Variants in GNPNAT1 observed in about 807,000 individuals in gnomAD.
GNPNAT1 encodes glucosamine 6-phosphate N-acetyltransferase.
A neutral mutation model predicts 19.8 loss-of-function variants in GNPNAT1; 11 were observed. That is an observed-to-expected ratio of 0.56 (90% CI 0.35 to 0.92). The LOEUF (loss-of-function observed/expected upper bound fraction) is 0.92. Among genes scored for constraint, GNPNAT1 ranks in the 40% least tolerant of loss-of-function variants. The pLI, the probability that GNPNAT1 is intolerant of heterozygous loss-of-function variation, is 0.01. For synonymous variants in GNPNAT1, 71 were observed against 72.3 expected, an observed-to-expected ratio of 0.98 and a Z score of 0.09; for missense variants, 157 against 211.0, an observed-to-expected ratio of 0.74 and a Z score of 1.59.
Position 52,780,277 on chromosome 14 carries a change from G to C in GNPNAT1, c.407+402C>G, listed in dbSNP as rs112535458. ...ATTTTAAATGATTTAGATATATACA[G>C]TGAAGGCTGTTTCAGTATGTATTTC... On this transcript the variant is annotated intron_variant, in intron 5 of 5. Coordinates refer to ENST00000216410, the MANE Select transcript of GNPNAT1 (RefSeq NM_198066.4). Among the ~76,000 whole-genome samples, 429 of 152,252 alleles carry C rather than the reference G, an allele frequency of 2.8e-3. 2 individuals carry two copies. Among genetic ancestry groups the C allele is most frequent in the African/African-American group, 9.8e-3 (409 of 41,532 alleles).
At chr14:52,789,289 G>A (rs1883095459) in intron 1 of GNPNAT1, among the ~76,000 whole-genome samples, 1 of 152,136 alleles carries the variant, frequency 6.6e-6, no homozygotes, top group Non-Finnish European at 1.5e-5. Flanking sequence ...TAGGTAGTAT[G>A]ACTTCAGACT....
intron 1 of GNPNAT1, among the ~76,000 whole-genome samples, chr14:52,786,622 T>C (rs1003679367): frequency 1.3e-5 from 2 of 152,114 alleles, no homozygotes; most frequent in African/African-American, 4.8e-5. Flanking sequence ...CCCCTCTTTT[T>C]TGAACATTTA....
intron 3 of GNPNAT1, among the ~76,000 whole-genome samples, chr14:52,782,284 T>C (rs541152301): frequency 1.3e-5 from 2 of 152,140 alleles, no homozygotes; most frequent in African/African-American, 4.8e-5. Flanking sequence ...TATTCAAATA[T>C]AACCTTTGCA....
At chr14:52,783,386 T>A (rs1882938893) in intron 3 of GNPNAT1, 37 bp downstream of exon 3, 1 of 1,348,992 alleles carries the variant, frequency 7.4e-7, no homozygotes, top group Non-Finnish European at 1.0e-6. Flanking sequence ...AAATCATGTT[T>A]CCCTTTATTT....
rs1882682615 is a variant in GNPNAT1, at chr14:52,775,501, T to C, written c.*2810A>G. The stretch of plus-strand genomic sequence containing the variant: ...TATCCAGATTTCAGAGATGTTACAG[T>C]GCATCTTAGTTGATGAAACAAAAAT... On this transcript the variant is annotated 3_prime_UTR_variant, in exon 6 of 6. Transcript: ENST00000216410. 6.6e-6 allele frequency: 1 copy of C among 152,164 alleles called. No homozygotes were observed. The highest frequency in any genetic ancestry group is 1.5e-5 in the Non-Finnish European group (1 of 68,026). The allele number at this position is 152,164 out of a possible 1,614,324, so 9.4% of individuals were successfully genotyped here. A position where few individuals can be genotyped will look rare whatever the true frequency, so the allele number is the denominator to read the frequency against.
chr14:52,787,617 T>G (rs917745831), intron 1 of GNPNAT1, among the ~76,000 whole-genome samples: 1 of 152,058 alleles, frequency 6.6e-6, no homozygotes, highest in Non-Finnish European at 1.5e-5. Flanking sequence ...TGTTCAAATG[T>G]CAACTGTGTG....
chr14:52,788,244 C>T (rs183461665), intron 1 of GNPNAT1, among the ~76,000 whole-genome samples: 2 of 152,058 alleles, frequency 1.3e-5, no homozygotes, highest in African/African-American at 4.8e-5. Flanking sequence ...CCTCAGCTTC[C>T]CACATCAGCC....
At position 52,780,755 on chromosome 14, in the gene GNPNAT1, A is replaced by C; in HGVS notation, c.346-15T>G. ...ACTCTTCCTCTCTGAAAATATTTAC[A>C]ATGTTTAAAGGAGTAAGCATTTACT... On this transcript the variant is annotated splice_polypyrimidine_tract_variant and intron_variant, in intron 4 of 5. Coordinates refer to ENST00000216410, the MANE Select transcript of GNPNAT1 (RefSeq NM_198066.4). The C allele has an allele frequency of 1.3e-6, 2 of 1,544,778 alleles. No homozygotes were observed. Among genetic ancestry groups the C allele is most frequent in the South Asian group, 2.2e-5 (2 of 88,956 alleles).
chr14:52,780,694 T>C lies in GNPNAT1; in HGVS notation c.392A>G (p.Lys131Arg), dbSNP rs757671863. 3 of 1,607,912 alleles carry C rather than the reference T, an allele frequency of 1.9e-6. No homozygotes were observed. The highest frequency in any genetic ancestry group is 4.5e-5 in the East Asian group (2 of 44,736). ...GCCTACTTACAATTTGCCAAGCTGC[T>C]TTCCTCTGCATTCATCACTAACAAC... The part of the protein sequence containing the change: ...DVVVSDECRG[K>R]QLGKLLLSTL... Residue 131 changes from lysine (K) to arginine (R), a missense_variant, in exon 5 of 6, where the codon AAG becomes AGG. By Grantham distance (26) the Lys-to-Arg change is conservative. Transcript: ENST00000216410.
chr14:52,790,015 A>C lies in GNPNAT1; in HGVS notation c.-15+1413T>G, dbSNP rs535677986. On this transcript the variant is annotated intron_variant, in intron 1 of 5. Transcript: ENST00000216410. Reference sequence around the variant, plus strand: ...AAAAAAAAAAAAAAAAAAAATTCCCAAACTGCCACAATATCGCGGAAAGCA... The same window carrying C: ...AAAAAAAAAAAAAAAAAAAATTCCCCAACTGCCACAATATCGCGGAAAGCA... 2.0e-5 allele frequency among the ~76,000 whole-genome samples: 3 copies of C among 150,998 alleles called. No individual in the cohort carries two copies. The South Asian group carries it at 6.3e-4, about 32-fold the overall frequency.
intron 1 of GNPNAT1, among the ~76,000 whole-genome samples, chr14:52,786,005 C>G (rs1354218883): frequency 6.7e-6 from 1 of 149,052 alleles, no homozygotes. Context: ...CCTGCCTCAG[C>G]CTCCCAAAGT....
At chr14:52,784,873 TAA>T in intron 1 of GNPNAT1, among the ~76,000 whole-genome samples, 1 of 151,150 alleles carries the variant, frequency 6.6e-6, no homozygotes, top group African/African-American at 2.4e-5. Context: ...AAAAAATGGC[TAA>T]GTGACTAAAT....
chr14:52,783,076 A>G (rs1172647523), intron 3 of GNPNAT1, among the ~76,000 whole-genome samples: 1 of 152,124 alleles, frequency 6.6e-6, no homozygotes, highest in Non-Finnish European at 1.5e-5. Flanking sequence ...AATAAATTTA[A>G]AGCGTATAGT....
chr14:52,790,391 A>G (rs1353558019), intron 1 of GNPNAT1, among the ~76,000 whole-genome samples: 1 of 152,242 alleles, frequency 6.6e-6, no homozygotes, highest in African/African-American at 2.4e-5. Context: ...AACAATTTCG[A>G]TAACAAGAAT....
intron 3 of GNPNAT1, among the ~76,000 whole-genome samples, chr14:52,782,269 A>G (rs1165937420): frequency 1.3e-5 from 2 of 152,078 alleles, no homozygotes; most frequent in Non-Finnish European, 2.9e-5. Flanking sequence ...TTTATACTCA[A>G]TAGATATTCA....
intron 5 of GNPNAT1, among the ~76,000 whole-genome samples, chr14:52,779,080 T>A (rs551174136): frequency 2.6e-5 from 4 of 151,782 alleles, no homozygotes; most frequent in Admixed American, 6.6e-5. Flanking sequence ...AAAAAAAAAA[T>A]GACCAAAATT....
At position 52,784,654 on chromosome 14, in the gene GNPNAT1, T is replaced by G; in HGVS notation, c.-4A>C. ...TAGGAGTTTCATCAGGTTTCATTTTTCTAGTAAGGTCTAAAATAAAAATTT... is the reference window on the plus strand; with the variant it reads ...TAGGAGTTTCATCAGGTTTCATTTTGCTAGTAAGGTCTAAAATAAAAATTT... On this transcript the variant is annotated 5_prime_UTR_variant, in exon 2 of 6. Coordinates refer to ENST00000216410, the MANE Select transcript of GNPNAT1 (RefSeq NM_198066.4). The G allele has an allele frequency of 6.8e-7, 1 of 1,471,368 alleles. No homozygotes were observed. Among genetic ancestry groups the G allele is most frequent in the Non-Finnish European group, 9.2e-7 (1 of 1,084,010 alleles). The allele number at this position is 1,471,368 out of a possible 1,614,324, so 91.1% of individuals were successfully genotyped here. A position where few individuals can be genotyped will look rare whatever the true frequency, so the allele number is the denominator to read the frequency against.
intron 1 of GNPNAT1, among the ~76,000 whole-genome samples, chr14:52,788,534 G>T (rs1319105882): frequency 2.6e-5 from 4 of 152,174 alleles, no homozygotes; most frequent in Non-Finnish European, 4.4e-5. Flanking sequence ...TGAATGGTAG[G>T]TAGCAACATT....
At chr14:52,786,857 A>ATTTTTTTGTT (rs1883032628) in intron 1 of GNPNAT1, among the ~76,000 whole-genome samples, 1 of 98,694 alleles carries the variant, frequency 1.0e-5, no homozygotes, top group Non-Finnish European at 2.0e-5. Context: ...CAGGTTTTGG[A>ATTTTTTTGTT]TTTTTTTTTT....
Sources: gnomAD v4.1 joint callset for allele counts (sites outside exome capture counted in the v4.1 genomes callset) on GRCh38, gnomAD v4.1.1 for gene constraint, MANE v1.5 for transcripts, NCBI Gene and HGNC (gene_info 2026-07-23, HGNC 2026-07-21) for gene names.